RPL35A: variants seen among roughly 807,000 people sequenced by gnomAD.
RPL35A encodes the protein ribosomal protein L35a.
RPL35A carries 1 observed loss-of-function variant against 16.7 expected under a neutral mutation model. That is an observed-to-expected ratio of 0.06 (90% CI 0.02 to 0.28). The LOEUF (loss-of-function observed/expected upper bound fraction) is 0.28. Ranked by LOEUF, RPL35A falls within the 10% of genes least tolerant of loss-of-function variation. The probability of loss-of-function intolerance (pLI) is 1.00; values close to 1 mark genes in which losing one functional copy is unlikely to be tolerated. For synonymous variants in RPL35A, 58 were observed against 47.0 expected, an observed-to-expected ratio of 1.23 and a Z score of -0.96; for missense variants, 91 against 138.7, an observed-to-expected ratio of 0.66 and a Z score of 1.73.
intron 4 of RPL35A, 74 bp from the exon 5 acceptor site, chr3:197,955,676 C>T (rs550153301): frequency 4.7e-6 from 6 of 1,263,442 alleles, no homozygotes; most frequent in East Asian, 4.6e-5. Context: ...AGAGATTTAT[C>T]CGTATTACGG....
chr3:197,955,431 T>A (rs1195274429), intron 4 of RPL35A, among the ~76,000 whole-genome samples: 1 of 151,942 alleles, frequency 6.6e-6, no homozygotes, highest in African/African-American at 2.4e-5. Context: ...CCCAGCTGAT[T>A]TTTGTATTTT....
At chr3:197,950,719 C>T (rs979706906) in intron 1 of RPL35A, 10 of 583,934 alleles carry the variant, frequency 1.7e-5, no homozygotes, top group East Asian at 2.8e-5. Flanking sequence ...TTAGTTTTGT[C>T]TTCATTCTGA....
Position 197,951,252 on chromosome 3 carries a change from C to A in RPL35A, c.105C>A (p.Ala35=). 1 of 1,614,030 alleles carries A rather than the reference C, an allele frequency of 6.2e-7. No individual in the cohort carries two copies. The highest frequency in any genetic ancestry group is 8.5e-7 in the Non-Finnish European group (1 of 1,180,002). The change falls in exon 3 of 5, where the codon GCC becomes GCA. Residue 35 remains alanine, a synonymous_variant. Transcript: ENST00000647248. ...TTCTTAAAATTGAAGGTGTTTACGC[C>A]CGAGATGAAACAGAATTCTATTTGG... The part of the protein sequence containing the change: ...TALLKIEGVY[A]RDETEFYLGK...
At chr3:197,954,507 G>A (rs763387233) in intron 4 of RPL35A, 2 of 334,148 alleles carry the variant, frequency 6.0e-6, no homozygotes, top group Non-Finnish European at 1.1e-5. Context: ...CTAATTTTTG[G>A]GGTTTTTGTT....
At chr3:197,952,255 C>T (rs1004687852) in intron 3 of RPL35A, among the ~76,000 whole-genome samples, 19 of 148,694 alleles carry the variant, frequency 1.3e-4, no homozygotes, top group Admixed American at 1.0e-3. Flanking sequence ...CCGCAACCTC[C>T]GCCTCCCGGG....
Position 197,955,921 on chromosome 3 carries a change from CAT to C in RPL35A, c.*149_*150del, listed in dbSNP as rs561846298. 5.2e-4 allele frequency: 365 copies of C among 702,816 alleles called. No individual in the cohort carries two copies. Among genetic ancestry groups the C allele is most frequent in the African/African-American group, 4.6e-4 (26 of 56,310 alleles). 43.5% of individuals were successfully genotyped at this position (702,816 alleles called of 1,614,324 possible). A position where few individuals can be genotyped will look rare whatever the true frequency, so the allele number is the denominator to read the frequency against. ...TTGGAGTACAAGGGGGTCAGAGAGA[CAT>C]GTGATGAAAATTACAGGGCGAGTAC... is the stretch of plus-strand genomic sequence containing the variant. On this transcript the variant is annotated 3_prime_UTR_variant, in exon 5 of 5. Transcript: ENST00000647248.
chr3:197,952,012 T>C (rs756600593), intron 3 of RPL35A, among the ~76,000 whole-genome samples: 34 of 152,316 alleles, frequency 2.2e-4, no homozygotes, highest in Middle Eastern at 3.4e-3. Context: ...TTTAGGTACC[T>C]TTTGCACTTG....
chr3:197,951,464 T>C lies in RPL35A; in HGVS notation c.164+153T>C, dbSNP rs528033052. 1.6e-4 allele frequency: 127 copies of C among 784,454 alleles called. No individual in the cohort carries two copies. The East Asian group carries it at 3.1e-3, about 19-fold the overall frequency. 48.6% of individuals were successfully genotyped at this position (784,454 alleles called of 1,614,324 possible). On this transcript the variant is annotated intron_variant, in intron 3 of 4. Transcript: ENST00000647248. ...GCCTCCCGGGTTCAAGCAAGTGTCC[T>C]GTCTCAGCCTCCCGAGTAGCTGGGA...
chr3:197,953,770 T>G, intron 3 of RPL35A: 1 of 593,396 alleles, frequency 1.7e-6, no homozygotes, highest in Non-Finnish European at 3.0e-6. Flanking sequence ...TTAAACTTAC[T>G]TGGTTATCAT....
chr3:197,955,780 G>A lies in RPL35A; in HGVS notation c.*7G>A, dbSNP rs374865201. The A allele has an allele frequency of 5.0e-6, 8 of 1,599,414 alleles. No individual in the cohort carries two copies. The highest frequency in any genetic ancestry group is 4.0e-5 in the African/African-American group (3 of 74,478). On this transcript the variant is annotated 3_prime_UTR_variant, in exon 5 of 5. Coordinates refer to ENST00000647248, the MANE Select transcript of RPL35A (RefSeq NM_000996.4). Reference sequence around the variant, plus strand: ...GTACCCCTCAAGGATTTAAACTAACGAAAAATCAATAAATAAATGTGGATT... The same window carrying A: ...GTACCCCTCAAGGATTTAAACTAACAAAAAATCAATAAATAAATGTGGATT...
At chr3:197,951,101 C>T (rs1720036128) in intron 2 of RPL35A, 58 bp from the exon 3 acceptor site, 27 of 1,611,128 alleles carry the variant, frequency 1.7e-5, no homozygotes, top group Non-Finnish European at 2.2e-5. Flanking sequence ...GGGGTGATTA[C>T]AAGTCAGATT....
chr3:197,951,118 T>C, intron 2 of RPL35A, 41 bp from the exon 3 acceptor site: 2 of 1,613,832 alleles, frequency 1.2e-6, no homozygotes, highest in South Asian at 1.1e-5. Context: ...GATTGGTTTT[T>C]TGAAGCTTAT....
intron 3 of RPL35A, among the ~76,000 whole-genome samples, chr3:197,952,946 G>A (rs569438134): frequency 2.7e-4 from 41 of 151,292 alleles, no homozygotes; most frequent in Middle Eastern, 3.4e-3. Context: ...GATTACAGGC[G>A]CGCACCACCA....
At position 197,954,122 on chromosome 3, in the gene RPL35A, A is replaced by G. The variant is rs1158600614; in HGVS notation, c.284A>G (p.Lys95Arg). 1 of 1,614,208 alleles carries G rather than the reference A, an allele frequency of 6.2e-7. No individual in the cohort carries two copies. Among genetic ancestry groups the G allele is most frequent in the East Asian group, 2.2e-5 (1 of 44,886 alleles). Residue 95 changes from lysine (K) to arginine (R), a missense_variant, in exon 4 of 5, where the codon AAG (lysine) becomes AGG (arginine). Physicochemically the swap from Lys to Arg is conservative, Grantham distance 26. Coordinates refer to ENST00000647248, the MANE Select transcript of RPL35A (RefSeq NM_000996.4). ...RAKFRSNLPAKAIGHRIRVML... is the reference protein window; with the variant it reads ...RAKFRSNLPARAIGHRIRVML... Reference sequence around the variant, plus strand: ...AAATTCCGAAGCAATCTTCCTGCTAAGGCCATTGGACACAGAATCCGAGTG... The same window carrying G: ...AAATTCCGAAGCAATCTTCCTGCTAGGGCCATTGGACACAGAATCCGAGTG...
intron 3 of RPL35A, among the ~76,000 whole-genome samples, chr3:197,953,141 C>T (rs1199636739): frequency 6.6e-6 from 1 of 152,220 alleles, no homozygotes; most frequent in Non-Finnish European, 1.5e-5. Flanking sequence ...TGTCTTCACC[C>T]ACTCCAAGCC....
chr3:197,951,393 G>A (rs964234501), intron 3 of RPL35A, 82 bp downstream of exon 3: 5 of 1,464,604 alleles, frequency 3.4e-6, no homozygotes, highest in Non-Finnish European at 4.8e-6. Flanking sequence ...TTGCTCTGTT[G>A]CCGAGGCTGG....
At position 197,956,582 on chromosome 3, in the gene RPL35A, T is replaced by C. The variant is rs1367065566; in HGVS notation, c.*809T>C. 6.6e-6 allele frequency: 1 copy of C among 151,194 alleles called. No individual in the cohort carries two copies. Among genetic ancestry groups the C allele is most frequent in the Non-Finnish European group, 1.5e-5 (1 of 67,882 alleles). 9.4% of individuals were successfully genotyped at this position (151,194 alleles called of 1,614,324 possible). ...CTAAATATTTTAGATTTCTTGGGGA[T>C]ATGCTAAAATAAAACAACTAAGGCA... On this transcript the variant is annotated 3_prime_UTR_variant, in exon 5 of 5. Transcript: ENST00000647248.
chr3:197,953,909 A>T, intron 3 of RPL35A, 94 bp from the exon 4 acceptor site: 2 of 1,265,194 alleles, frequency 1.6e-6, no homozygotes, highest in Non-Finnish European at 2.3e-6. Flanking sequence ...TGAAGTGGGT[A>T]ACCAGGGTTG....
chr3:197,952,851 G>C (rs1382174484), intron 3 of RPL35A, among the ~76,000 whole-genome samples: 1 of 140,174 alleles, frequency 7.1e-6, no homozygotes, highest in Non-Finnish European at 1.5e-5. Context: ...TTTTTTTTTT[G>C]AGACAAAGTG....
Sources: gnomAD v4.1 joint callset for allele counts (sites outside exome capture counted in the v4.1 genomes callset) on GRCh38, gnomAD v4.1.1 for gene constraint, MANE v1.5 for transcripts, NCBI Gene and HGNC (gene_info 2026-07-23, HGNC 2026-07-21) for gene names.